The following IGDCC4 variants were observed in gnomAD, a reference collection of about 807,000 sequenced individuals.
IGDCC4 encodes likely ortholog of mouse neighbor of Punc E11.
Under a neutral mutation model 116.6 loss-of-function variants are expected in IGDCC4, and 72 were observed. The ratio of observed to expected loss-of-function variants is 0.62; its 90% confidence interval spans 0.51 to 0.75. IGDCC4 has a LOEUF of 0.75. IGDCC4 is among the 30% of genes least tolerant of loss of function. The pLI is 0.00. For missense variants in IGDCC4, 1,501 were observed against 1,662.4 expected (o/e 0.90, Z 1.69); for synonymous variants, 709 against 719.9 (o/e 0.98, Z 0.24).
At chr15:65,414,232 G>A (rs1011468080) in intron 1 of IGDCC4, among the ~76,000 whole-genome samples, 3 of 152,178 alleles carry the variant, frequency 2.0e-5, no homozygotes, top group Admixed American at 6.5e-5. Context: ...TGTGAAGGGC[G>A]GACGGAGAGA....
Position 65,393,161 on chromosome 15 carries a change from G to T in IGDCC4, c.1885+200C>A, listed in dbSNP as rs2062883415. ...TGAAGCCTCAGAATGGTTTGTCCAA[G>T]GTCACACAGCAAATCGAAGGGACAC... is the stretch of plus-strand genomic sequence containing the variant. On this transcript the variant is annotated intron_variant, in intron 10 of 19. Coordinates refer to ENST00000352385, the MANE Select transcript of IGDCC4 (RefSeq NM_020962.3). The surrounding 1 kb of genome is among the most constrained non-coding windows in gnomAD (Gnocchi z 4.6). Among the ~76,000 whole-genome samples the T allele has an allele frequency of 6.6e-6, 1 of 152,152 alleles. No individual in the cohort carries two copies. The highest frequency in any genetic ancestry group is 1.5e-5 in the Non-Finnish European group (1 of 68,022).
intron 5 of IGDCC4, among the ~76,000 whole-genome samples, chr15:65,398,695 T>G (rs1407514908): frequency 6.6e-6 from 1 of 151,506 alleles, no homozygotes; most frequent in Non-Finnish European, 1.5e-5. Flanking sequence ...ATGGAGACCA[T>G]CCTGGCTGAC....
At chr15:65,392,113 C>A in intron 11 of IGDCC4, 21 bp downstream of exon 11, 1 of 1,530,406 alleles carries the variant, frequency 6.5e-7, no homozygotes, top group Non-Finnish European at 8.9e-7. Context: ...CCTCCCTCCC[C>A]CTCCCCCCAG....
rs868202699 is a variant in IGDCC4, at chr15:65,402,488, C to T, written c.564-1G>A. The T allele has an allele frequency of 7.0e-6, 11 of 1,566,384 alleles. No homozygotes were observed. The highest frequency in any genetic ancestry group is 9.5e-6 in the Non-Finnish European group (11 of 1,154,798). On this transcript the variant is annotated splice_acceptor_variant, in intron 3 of 19. Coordinates refer to ENST00000352385, the MANE Select transcript of IGDCC4 (RefSeq NM_020962.3). LOFTEE classifies it high-confidence loss of function. Reference sequence around the variant, plus strand: ...GACGCCGTTGGGAAGCACGATGAGCCTTGGGAAGAGGGGAGCAGGCAACTG... The same window carrying T: ...GACGCCGTTGGGAAGCACGATGAGCTTTGGGAAGAGGGGAGCAGGCAACTG...
At chr15:65,389,564 C>G (rs1026061835) in intron 13 of IGDCC4, among the ~76,000 whole-genome samples, 153 bp from the exon 14 acceptor site, 2 of 152,194 alleles carry the variant, frequency 1.3e-5, no homozygotes. Flanking sequence ...TACCACCACC[C>G]AGGGACCTAC....
At chr15:65,392,094 A>T in intron 11 of IGDCC4, 40 bp downstream of exon 11, 1 of 1,517,704 alleles carries the variant, frequency 6.6e-7, no homozygotes, top group Non-Finnish European at 9.0e-7. Flanking sequence ...TCCCCACTGA[A>T]GCTACATCCC....
chr15:65,383,735 G>T lies in IGDCC4; in HGVS notation c.*274C>A. ...CCACTGCCTGGGCCACGGTTTCCCAGCTCAACAACCAGTACGCATACATGC... is the reference window on the plus strand; with the variant it reads ...CCACTGCCTGGGCCACGGTTTCCCATCTCAACAACCAGTACGCATACATGC... On this transcript the variant is annotated 3_prime_UTR_variant, in exon 20 of 20. Coordinates refer to ENST00000352385, the MANE Select transcript of IGDCC4 (RefSeq NM_020962.3). 1 of 347,490 alleles carries T rather than the reference G, an allele frequency of 2.9e-6. No homozygotes were observed. Among genetic ancestry groups the T allele is most frequent in the Non-Finnish European group, 5.2e-6 (1 of 192,900 alleles). The allele number at this position is 347,490 out of a possible 1,614,324, so 21.5% of individuals were successfully genotyped here. A position where few individuals can be genotyped will look rare whatever the true frequency, so the allele number is the denominator to read the frequency against.
chr15:65,400,412 G>C (rs956622866), intron 5 of IGDCC4, among the ~76,000 whole-genome samples: 2 of 152,180 alleles, frequency 1.3e-5, no homozygotes, highest in Non-Finnish European at 2.9e-5. Flanking sequence ...CCAACAGAGG[G>C]GTCTGGTTCC....
At chr15:65,412,669 T>A (rs964546257) in intron 1 of IGDCC4, among the ~76,000 whole-genome samples, 16 of 152,086 alleles carry the variant, frequency 1.1e-4, no homozygotes, top group Admixed American at 2.6e-4. Flanking sequence ...CTCACTCCTG[T>A]AATCCCAACA....
rs370933840 is a variant in IGDCC4 at position 65,410,166 on chromosome 15, C to T, written c.563+12G>A. 2.5e-6 allele frequency: 4 copies of T among 1,612,004 alleles called. No individual in the cohort carries two copies. The highest frequency in any genetic ancestry group is 2.2e-5 in the South Asian group (2 of 91,018). ...CTGCCTACCAGGACCCGCTCCCCTA[C>T]AGGGCACTCACCGAGGCTCCTCAGG... On this transcript the variant is annotated intron_variant, in intron 3 of 19. Transcript: ENST00000352385.
chr15:65,385,414 C>G (rs958050069), intron 18 of IGDCC4: 361 of 525,360 alleles, frequency 6.9e-4, no homozygotes, highest in Middle Eastern at 4.6e-3. Context: ...GTGGGATGTG[C>G]CGCCCCTGCC....
At chr15:65,392,079 C>T in intron 11 of IGDCC4, 55 bp downstream of exon 11, 1 of 1,539,134 alleles carries the variant, frequency 6.5e-7, no homozygotes, top group Non-Finnish European at 8.8e-7. Context: ...ACACAACTTG[C>T]CCAGTCCCCA....
chr15:65,413,742 G>C (rs2063119092), intron 1 of IGDCC4, among the ~76,000 whole-genome samples: 1 of 152,208 alleles, frequency 6.6e-6, no homozygotes. Flanking sequence ...CAGAGGTCAG[G>C]ACAATGGCCC....
intron 13 of IGDCC4, 52 bp downstream of exon 13, chr15:65,390,103 C>A: frequency 4.1e-6 from 6 of 1,469,608 alleles, no homozygotes; most frequent in African/African-American, 2.8e-5. Context: ...CACCACCACC[C>A]CCCACCTATT....
In IGDCC4 at chr15:65,396,988, G is replaced by T; in HGVS notation, c.843C>A (p.Asp281Glu). 1.3e-6 allele frequency: 2 copies of T among 1,578,522 alleles called. No individual in the cohort carries two copies. The highest frequency in any genetic ancestry group is 1.7e-6 in the Non-Finnish European group (2 of 1,161,696). Residue 281 changes from aspartate (D) to glutamate (E), a missense_variant and splice_region_variant, in exon 6 of 20, where the codon GAC becomes GAA. Coordinates refer to ENST00000352385, the MANE Select transcript of IGDCC4 (RefSeq NM_020962.3). ...TGACATCTGTGGAGATGGGCTTCCC[G>T]TCTGGGGAAGGAGAGGGAGACGCGC... ...PTPFVSWVRQ[D>E]GKPISTDVIV...
rs763312426 is a variant in IGDCC4 at position 65,396,816 on chromosome 15, C to A, written c.997+18G>T. ...AGCCCCAGCTAACCCGCTCCCTCCGCCCTTCGGCCCGCCTCACCCAGCACA... is the reference window on the plus strand; with the variant it reads ...AGCCCCAGCTAACCCGCTCCCTCCGACCTTCGGCCCGCCTCACCCAGCACA... On this transcript the variant is annotated intron_variant, in intron 6 of 19. Transcript: ENST00000352385. The A allele has an allele frequency of 5.8e-6, 9 of 1,555,574 alleles. No homozygotes were observed. Among genetic ancestry groups the A allele is most frequent in the African/African-American group, 1.4e-5 (1 of 73,354 alleles).
rs771231127 is a variant in IGDCC4, at chr15:65,388,812, C to A, written c.2703G>T (p.Thr901=). The part of the protein sequence containing the change: ...QPEHQWTLLT[T]QGNIFSAEVH... ...CCCTGGGGCAGGAGCCCTCACCCTG[C>A]GTGGTGAGCAAGGTCCACTGGTGCT... Residue 901 remains threonine, a synonymous_variant, in exon 15 of 20, where the codon ACG becomes ACT. Transcript: ENST00000352385. The A allele has an allele frequency of 1.9e-6, 3 of 1,613,956 alleles. No homozygotes were observed. The South Asian group carries it at 3.3e-5, about 18-fold the overall frequency.
intron 1 of IGDCC4, among the ~76,000 whole-genome samples, chr15:65,420,792 C>G (rs528067337): frequency 2.5e-4 from 38 of 152,308 alleles, no homozygotes; most frequent in African/African-American, 8.4e-4. Flanking sequence ...TCGAGCTCTA[C>G]TACTCATCAC....
intron 17 of IGDCC4, 86 bp from the exon 18 acceptor site, chr15:65,386,145 G>A (rs1191043467): frequency 3.5e-6 from 3 of 855,176 alleles, no homozygotes; most frequent in Non-Finnish European, 3.6e-6. Flanking sequence ...ATGTCTCTGG[G>A]GAGGTTCCTG....
Sources: allele counts gnomAD v4.1 joint callset (sites outside exome capture counted in the v4.1 genomes callset), GRCh38; gene constraint gnomAD v4.1.1; non-coding constraint Gnocchi (gnomAD v3.1); transcripts MANE v1.5; gene names NCBI Gene and HGNC (gene_info 2026-07-23, HGNC 2026-07-21).